The following BRD8 variants were observed in gnomAD, a reference collection of about 807,000 sequenced individuals.
BRD8 encodes bromodomain-containing protein 8.
A neutral mutation model predicts 143.1 loss-of-function variants in BRD8; 67 were observed. The ratio of observed to expected loss-of-function variants is 0.47; its 90% CI spans 0.38 to 0.57. BRD8 has a LOEUF of 0.57. BRD8 is among the 20% of genes least tolerant of loss of function. The probability of loss-of-function intolerance (pLI) is 0.00; values close to 1 mark genes in which losing one functional copy is unlikely to be tolerated. For missense variants in BRD8, 1,103 were observed against 1,503.0 expected, an observed-to-expected ratio of 0.73 and a Z score of 4.40; for synonymous variants, 505 against 517.1, an observed-to-expected ratio of 0.98 and a Z score of 0.32.
intron 22 of BRD8, among the ~76,000 whole-genome samples, chr5:138,150,315 C>T (rs1371568979): frequency 6.6e-6 from 1 of 151,866 alleles, no homozygotes; most frequent in Admixed American, 6.6e-5. Flanking sequence ...CCTGTATTGC[C>T]CAGACTGGTC....
chr5:138,151,805 A>G (rs1054432740), intron 21 of BRD8, among the ~76,000 whole-genome samples: 2 of 152,184 alleles, frequency 1.3e-5, no homozygotes, highest in Non-Finnish European at 2.9e-5. Context: ...CTGGGATTAC[A>G]GGCACATGCC....
At chr5:138,163,564 A>T in intron 14 of BRD8, 2 of 1,469,750 alleles carry the variant, frequency 1.4e-6, no homozygotes, top group East Asian at 5.4e-5. Context: ...TTTTAAAAAG[A>T]AAGAAAAAAA....
chr5:138,145,674 A>G (rs896502619), intron 24 of BRD8, 115 bp downstream of exon 24: 10 of 896,032 alleles, frequency 1.1e-5, no homozygotes, highest in East Asian at 2.5e-5. Flanking sequence ...TACAGAATCT[A>G]CCTTTCAACT....
chr5:138,149,563 G>A, intron 23 of BRD8, 77 bp downstream of exon 23: 1 of 1,296,110 alleles, frequency 7.7e-7, no homozygotes, highest in Non-Finnish European at 1.0e-6. Flanking sequence ...ACTTATAAAA[G>A]TAATCCATTT....
chr5:138,166,839 G>C, intron 9 of BRD8, 112 bp from the exon 10 acceptor site: 1 of 699,080 alleles, frequency 1.4e-6, no homozygotes, highest in Non-Finnish European at 2.6e-6. Context: ...AAGGATGAGA[G>C]CAACTCCTGC....
chr5:138,172,627 C>T (rs1381560180), intron 2 of BRD8: 1 of 319,374 alleles, frequency 3.1e-6, no homozygotes, highest in Non-Finnish European at 5.6e-6. Context: ...ACAGCTCAAG[C>T]CCAGGAGTTC....
At chr5:138,169,019 T>C (rs1018289307) in intron 8 of BRD8, among the ~76,000 whole-genome samples, 2 of 152,256 alleles carry the variant, frequency 1.3e-5, no homozygotes, top group African/African-American at 4.8e-5. Context: ...AATAGTTTTT[T>C]ACCTATCTCT....
At chr5:138,153,960 G>T (rs1033758911) in intron 20 of BRD8, among the ~76,000 whole-genome samples, 2 of 151,542 alleles carry the variant, frequency 1.3e-5, no homozygotes, top group Non-Finnish European at 2.9e-5. Context: ...ACAGGCGTGA[G>T]CCACCACACC....
In BRD8 at chr5:138,160,877, G is replaced by C; in HGVS notation, c.2427+14C>G. The stretch of plus-strand genomic sequence containing the variant: ...ATTTCATCCTTGCTGAAACACAAAG[G>C]ATCCTCAAAGTACCTGGATCTGTTC... On this transcript the variant is annotated intron_variant, in intron 18 of 26. Coordinates refer to ENST00000254900, the MANE Select transcript of BRD8 (RefSeq NM_139199.2). The C allele has an allele frequency of 6.5e-7, 1 of 1,548,358 alleles. No homozygotes were observed. The highest frequency in any genetic ancestry group is 8.7e-7 in the Non-Finnish European group (1 of 1,144,580).
intron 20 of BRD8, among the ~76,000 whole-genome samples, chr5:138,159,134 G>A (rs1425952404): frequency 6.6e-6 from 1 of 152,044 alleles, no homozygotes; most frequent in Admixed American, 6.6e-5. Context: ...TGTTACATTA[G>A]TCTTGCAACT....
chr5:138,145,888 T>C lies in BRD8; in HGVS notation c.3279-10A>G, dbSNP rs756121412. On this transcript the variant is annotated splice_polypyrimidine_tract_variant and intron_variant, in intron 23 of 26. Coordinates refer to ENST00000254900, the MANE Select transcript of BRD8 (RefSeq NM_139199.2). ...CTGGCTTAGATCAGTCCTATGAGGA[T>C]AAAACATGAAGAAAAGAGACAGTAA... is the stretch of plus-strand genomic sequence containing the variant. 6.2e-7 allele frequency: 1 copy of C among 1,608,746 alleles called. No homozygotes were observed. The highest frequency in any genetic ancestry group is 8.5e-7 in the Non-Finnish European group (1 of 1,175,490).
chr5:138,154,706 C>T (rs1317487961), intron 20 of BRD8, among the ~76,000 whole-genome samples: 1 of 152,096 alleles, frequency 6.6e-6, no homozygotes, highest in East Asian at 1.9e-4. Flanking sequence ...TTAAACCCTT[C>T]TCAAGAAGAC....
intron 6 of BRD8, 112 bp from the exon 7 acceptor site, chr5:138,170,521 G>T: frequency 9.0e-7 from 1 of 1,117,302 alleles, no homozygotes; most frequent in Non-Finnish European, 1.4e-6. Flanking sequence ...TGGAAGAAAG[G>T]CCTAAACAGG....
chr5:138,170,200 A>G lies in BRD8; in HGVS notation c.505+145T>C, dbSNP rs1003660981. 1.8e-5 allele frequency: 12 copies of G among 665,100 alleles called. No individual in the cohort carries two copies. In the African/African-American group the frequency reaches 2.2e-4, roughly 12 times the overall value. 41.2% of individuals were successfully genotyped at this position (665,100 alleles called of 1,614,324 possible). Reference sequence around the variant, plus strand: ...TGTTCTAGGAGTTTCTTCTTAAGACATTAAGGGATGTTTTTATTCTGGTAG... The same window carrying G: ...TGTTCTAGGAGTTTCTTCTTAAGACGTTAAGGGATGTTTTTATTCTGGTAG... On this transcript the variant is annotated intron_variant, in intron 7 of 26. Transcript: ENST00000254900.
rs11750814 is a variant in BRD8 at position 138,164,976 on chromosome 5, G to A, written c.1469C>T (p.Thr490Met). 272,475 of 1,613,960 alleles carry A rather than the reference G, an allele frequency of 0.17. 24,967 individuals are homozygous for A. The highest frequency in any genetic ancestry group is 0.22 in the South Asian group (19,687 of 91,066). Residue 490 changes from threonine to methionine, a missense_variant, in exon 12 of 27, where the codon ACG (threonine) becomes ATG (methionine). Coordinates refer to ENST00000254900, the MANE Select transcript of BRD8 (RefSeq NM_139199.2). The stretch of plus-strand genomic sequence containing the variant: ...CAGTTCATGTATTCCCTTGTTTTCC[G>A]TTTCCTCAAAGTCCAGTCTCTCTTG... ...VKQERLDFEE[T>M]ENKGIHELVD...
chr5:138,142,759 CAAAAAAA>C (rs35529846), intron 25 of BRD8, among the ~76,000 whole-genome samples: 2 of 83,854 alleles, frequency 2.4e-5, no homozygotes, highest in South Asian at 8.0e-4. Flanking sequence ...AAGACTGTCT[CAAAAAAA>C]AAAAAAAAAA....
chr5:138,167,912 TAA>T lies in BRD8; in HGVS notation c.787+20_787+21del. 13 of 1,609,990 alleles carry T rather than the reference TAA, an allele frequency of 8.1e-6. No individual in the cohort carries two copies. Among genetic ancestry groups the T allele is most frequent in the Non-Finnish European group, 1.1e-5 (13 of 1,176,248 alleles). On this transcript the variant is annotated intron_variant, in intron 9 of 26. Transcript: ENST00000254900. ...TCAAGTTCAACACCTTTGAGGTTGA[TAA>T]AGGAAAAGTGGTAACTTACCTGATG... is the stretch of plus-strand genomic sequence containing the variant.
intron 1 of BRD8, 110 bp downstream of exon 1, chr5:138,178,486 T>C (rs988273649): frequency 2.9e-6 from 3 of 1,032,372 alleles, no homozygotes; most frequent in Non-Finnish European, 4.6e-6. Flanking sequence ...CTGAAAACCC[T>C]GGGCTCTCAA....
intron 25 of BRD8, 78 bp from the exon 26 acceptor site, chr5:138,140,960 G>A: frequency 7.0e-7 from 1 of 1,438,052 alleles, no homozygotes; most frequent in Non-Finnish European, 9.6e-7. Flanking sequence ...TTCTCTTGAA[G>A]AACTAACCAG....
Sources: allele counts gnomAD v4.1 joint callset (sites outside exome capture counted in the v4.1 genomes callset), GRCh38; gene constraint gnomAD v4.1.1; transcripts MANE v1.5; gene names NCBI Gene and HGNC (gene_info 2026-07-23, HGNC 2026-07-21).